The following NAPEPLD variants were observed in gnomAD, a reference collection of about 807,000 sequenced individuals.
NAPEPLD encodes N-acyl phosphatidylethanolamine phospholipase D, also known as N-acyl-phosphatidylethanolamine-hydrolyzing phospholipase D.
A neutral mutation model predicts 38.1 loss-of-function variants in NAPEPLD; 23 were observed. That is an observed-to-expected ratio of 0.60 (90% confidence interval 0.43 to 0.86). NAPEPLD has a LOEUF of 0.86. NAPEPLD is among the 40% of genes least tolerant of loss of function. The pLI is 0.00. For synonymous variants in NAPEPLD, 147 were observed against 162.0 expected, an observed-to-expected ratio of 0.91 and a Z score of 0.71; for missense variants, 411 against 476.8, an observed-to-expected ratio of 0.86 and a Z score of 1.28.
At position 103,103,384 on chromosome 7, in the gene NAPEPLD, C is replaced by G; in HGVS notation, c.*45G>C. Reference sequence around the variant, plus strand: ...CTAAGTCTTTTCATTTGTTTTTAAACTTAGATGATGCCTTTTTCATTAAAA... The same window carrying G: ...CTAAGTCTTTTCATTTGTTTTTAAAGTTAGATGATGCCTTTTTCATTAAAA... On this transcript the variant is annotated 3_prime_UTR_variant, in exon 5 of 5. Coordinates refer to ENST00000465647, the MANE Select transcript of NAPEPLD (RefSeq NM_001122838.3). 1 of 1,517,762 alleles carries G rather than the reference C, an allele frequency of 6.6e-7. No homozygotes were observed. The allele number at this position is 1,517,762 out of a possible 1,614,324, so 94.0% of individuals were successfully genotyped here.
chr7:103,103,519 A>C lies in NAPEPLD; in HGVS notation c.1092T>G (p.Ala364=). The C allele has an allele frequency of 6.3e-7, 1 of 1,594,216 alleles. No homozygotes were observed. Among genetic ancestry groups the C allele is most frequent in the Non-Finnish European group, 8.5e-7 (1 of 1,175,020 alleles). Residue 364 remains alanine (A), a synonymous_variant, in exon 5 of 5, where the codon GCT becomes GCG. Transcript: ENST00000465647. Reference sequence around the variant, plus strand: ...CAGCGTTAAGTCCGTATCTCTCTAGAGCTTCATTCAGCTTCACTGGAGGCT... The same window carrying C: ...CAGCGTTAAGTCCGTATCTCTCTAGCGCTTCATTCAGCTTCACTGGAGGCT... ...YLEPPVKLNE[A]LERYGLNAED... is the part of the protein sequence containing the mutation.
chr7:103,140,351 A>T (rs904123845), intron 1 of NAPEPLD, among the ~76,000 whole-genome samples: 2 of 147,820 alleles, frequency 1.4e-5, no homozygotes, highest in African/African-American at 4.9e-5. Flanking sequence ...GTTCTATTTG[A>T]GTAAGAGAAG....
intron 1 of NAPEPLD, among the ~76,000 whole-genome samples, chr7:103,137,132 T>G (rs1273644561): frequency 6.6e-6 from 1 of 152,162 alleles, no homozygotes; most frequent in East Asian, 1.9e-4. Flanking sequence ...TAGAGACAGG[T>G]TTCACCATGT....
intron 3 of NAPEPLD, among the ~76,000 whole-genome samples, chr7:103,117,560 T>A (rs1805814218): frequency 6.6e-6 from 1 of 152,248 alleles, no homozygotes; most frequent in Non-Finnish European, 1.5e-5. Context: ...TTATTGAAAG[T>A]TGTTTTCGGT....
At chr7:103,121,077 C>T (rs1380465945) in intron 2 of NAPEPLD, among the ~76,000 whole-genome samples, 2 of 152,062 alleles carry the variant, frequency 1.3e-5, no homozygotes, top group Non-Finnish European at 2.9e-5. Context: ...GGACAAATCA[C>T]AGTCATAAAT....
intron 4 of NAPEPLD, 59 bp downstream of exon 4, chr7:103,115,001 T>C: frequency 1.6e-6 from 2 of 1,289,480 alleles, no homozygotes; most frequent in East Asian, 2.3e-5. Flanking sequence ...GGAACAGTGA[T>C]GCCTGAATCC....
At chr7:103,141,411 G>A in intron 1 of NAPEPLD, 1 of 852,882 alleles carries the variant, frequency 1.2e-6, no homozygotes, top group Non-Finnish European at 2.1e-6. Flanking sequence ...TTGGCCTGGA[G>A]GTGCTCTTCA....
intron 3 of NAPEPLD, among the ~76,000 whole-genome samples, chr7:103,118,137 G>A (rs554607366): frequency 3.2e-4 from 49 of 152,258 alleles, no homozygotes; most frequent in Admixed American, 8.5e-4. Flanking sequence ...GCAGTGAGCC[G>A]AGATCGTGCC....
At chr7:103,139,590 G>A (rs1005134992) in intron 1 of NAPEPLD, among the ~76,000 whole-genome samples, 1 of 152,208 alleles carries the variant, frequency 6.6e-6, no homozygotes, top group Non-Finnish European at 1.5e-5. Flanking sequence ...GTTAAAGGGC[G>A]CTGATGGCAA....
intron 1 of NAPEPLD, among the ~76,000 whole-genome samples, chr7:103,130,098 ACACAG>A: frequency 6.6e-6 from 1 of 152,344 alleles, no homozygotes; most frequent in Middle Eastern, 3.4e-3. Flanking sequence ...CAGTGCACAC[ACACAG>A]CACATTTTAT....
At chr7:103,120,409 A>G (rs1444348719) in intron 2 of NAPEPLD, among the ~76,000 whole-genome samples, 186 bp from the exon 3 acceptor site, 1 of 152,194 alleles carries the variant, frequency 6.6e-6, no homozygotes, top group Non-Finnish European at 1.5e-5. Context: ...ATCTGACTTA[A>G]TAATCATGAT....
chr7:103,149,199 G>T (rs978852790), upstream of NAPEPLD: 2 of 994,038 alleles, frequency 2.0e-6, no homozygotes, highest in Non-Finnish European at 1.2e-6. Context: ...CAGAAACCAC[G>T]GAGCTCCGGA....
chr7:103,134,924 T>C (rs1809724149), intron 1 of NAPEPLD, among the ~76,000 whole-genome samples: 3 of 152,258 alleles, frequency 2.0e-5, no homozygotes, highest in Admixed American at 2.0e-4. Flanking sequence ...AAGAATTCTC[T>C]ATTTCAAAAG....
intron 1 of NAPEPLD, chr7:103,148,083 G>A (rs1031145570): frequency 1.3e-5 from 13 of 984,842 alleles, no homozygotes; most frequent in Non-Finnish European, 1.6e-5. Flanking sequence ...CCATGTCTGC[G>A]GCTAATTCAT....
intron 1 of NAPEPLD, among the ~76,000 whole-genome samples, chr7:103,132,507 G>A (rs1027196888): frequency 2.0e-5 from 3 of 152,088 alleles, no homozygotes; most frequent in African/African-American, 7.2e-5. Flanking sequence ...GACCCAGTGA[G>A]TTTGAGAAGG....
intron 3 of NAPEPLD, among the ~76,000 whole-genome samples, chr7:103,117,118 C>T (rs1211596869): frequency 6.6e-6 from 1 of 152,226 alleles, no homozygotes; most frequent in Non-Finnish European, 1.5e-5. Context: ...CCAGTGACAA[C>T]TAACACTACA....
At chr7:103,149,547 C>A, upstream of NAPEPLD, 1 of 1,209,942 alleles carries the variant, frequency 8.3e-7, no homozygotes. Flanking sequence ...GCAGGGCCAG[C>A]GGTGGCCTCC....
chr7:103,120,215 G>A lies in NAPEPLD; in HGVS notation c.303C>T (p.Asp101=), dbSNP rs1452202117. ...ATGGCTTAAGCACTGGGAGTTCTTT[G>A]TCTAGTTCCTTTGTGTATAAAGAAA... ...SSVPSSKEEL[D]KELPVLKPYF... is the part of the protein sequence containing the mutation. The change falls in exon 3 of 5, where the codon GAC becomes GAT. Residue 101 remains aspartate (D), a synonymous_variant. Coordinates refer to ENST00000465647, the MANE Select transcript of NAPEPLD (RefSeq NM_001122838.3). 4 of 1,610,924 alleles carry A rather than the reference G, an allele frequency of 2.5e-6. No individual in the cohort carries two copies. The South Asian group carries it at 4.4e-5, about 18-fold the overall frequency.
intron 2 of NAPEPLD, among the ~76,000 whole-genome samples, chr7:103,123,805 T>C (rs1444012585): frequency 6.6e-6 from 1 of 152,128 alleles, no homozygotes; most frequent in Non-Finnish European, 1.5e-5. Context: ...TAACATGTTT[T>C]CGTAAAAAGT....
Sources: allele counts gnomAD v4.1 joint callset (sites outside exome capture counted in the v4.1 genomes callset), GRCh38; gene constraint gnomAD v4.1.1; transcripts MANE v1.5; gene names NCBI Gene and HGNC (gene_info 2026-07-23, HGNC 2026-07-21).